Variants in GSE1 observed in about 807,000 individuals in gnomAD.
GSE1 encodes the protein genetic suppressor element 1.
Under a neutral mutation model 112.6 loss-of-function variants are expected in GSE1, and 32 were observed. That is an observed-to-expected ratio of 0.28 (90% CI 0.21 to 0.38). The LOEUF (loss-of-function observed/expected upper bound fraction) is 0.38, where lower values mean the gene tolerates loss of function less well. GSE1 is among the 10% of genes least tolerant of loss of function. GSE1 has a pLI of 1.00. For synonymous variants in GSE1, 1,115 were observed against 735.6 expected (o/e 1.52, Z -8.35); for missense variants, 2,348 against 1,699.2 (o/e 1.38, Z -6.71).
At chr16:85,480,217 C>G (rs868011193) in intron 2 of GSE1, among the ~76,000 whole-genome samples, 3 of 152,232 alleles carry the variant, frequency 2.0e-5, no homozygotes, top group African/African-American at 7.2e-5. Context: ...CAGTTTGGCT[C>G]CAGAATCTAC....
chr16:85,366,306 A>C lies in GSE1; in HGVS notation c.2464+8663A>C, dbSNP rs187168661. ...TTGGCTGTGGCTTCTCCAGCTCTGCACAAGAGCCCCCCTTCCCTGGCCCTG... is the reference window on the plus strand; with the variant it reads ...TTGGCTGTGGCTTCTCCAGCTCTGCCCAAGAGCCCCCCTTCCCTGGCCCTG... On this transcript the variant is annotated intron_variant, in intron 2 of 2. Coordinates refer to the GSE1 transcript ENST00000637419. 1.6e-3 allele frequency among the ~76,000 whole-genome samples: 242 copies of C among 152,332 alleles called. 1 individual carries two copies. The highest frequency in any genetic ancestry group is 6.8e-3 in the Middle Eastern group (2 of 294).
intron 1 of GSE1, among the ~76,000 whole-genome samples, chr16:85,177,200 G>A (rs2074485219): frequency 6.6e-6 from 1 of 152,280 alleles, no homozygotes; most frequent in South Asian, 2.1e-4. Flanking sequence ...GAGGCTGGAG[G>A]AGCCAGGGTC....
At chr16:85,303,273 G>T (rs2045575602) in intron 1 of GSE1, among the ~76,000 whole-genome samples, 1 of 152,196 alleles carries the variant, frequency 6.6e-6, no homozygotes, top group Non-Finnish European at 1.5e-5. Flanking sequence ...TTCCTATCTG[G>T]GGCTCCAGGA....
chr16:85,313,458 G>A (rs2045907334), intron 1 of GSE1, among the ~76,000 whole-genome samples: 1 of 152,148 alleles, frequency 6.6e-6, no homozygotes, highest in Non-Finnish European at 1.5e-5. Context: ...CTCCTCTCTT[G>A]CAGACAACGG....
intron 1 of GSE1, among the ~76,000 whole-genome samples, chr16:85,335,906 T>C (rs1364849079): frequency 6.6e-6 from 1 of 152,078 alleles, no homozygotes; most frequent in East Asian, 1.9e-4. Flanking sequence ...AGATGTCCCA[T>C]AAAGAAGGCT....
intron 1 of GSE1, among the ~76,000 whole-genome samples, chr16:85,275,348 C>G (rs12599739): frequency 1.3e-5 from 2 of 152,156 alleles, no homozygotes; most frequent in Admixed American, 6.5e-5. Context: ...GACAGAAGCC[C>G]GGGCAGAGGG....
rs537732265 is a variant in GSE1, at chr16:85,437,565, C to T, written c.2464+79922C>T. ...CTGCGGGTTCTACCAAGGAGAAGGACGAGGAGGGGCAGCCACATGCTCGGG... is the reference window on the plus strand; with the variant it reads ...CTGCGGGTTCTACCAAGGAGAAGGATGAGGAGGGGCAGCCACATGCTCGGG... On this transcript the variant is annotated intron_variant, in intron 2 of 2. Transcript: ENST00000637419. Among the ~76,000 whole-genome samples, 75 of 152,042 alleles carry T rather than the reference C, an allele frequency of 4.9e-4. No individual in the cohort carries two copies. The Middle Eastern group carries it at 0.014, about 28-fold the overall frequency.
At chr16:85,353,167 C>G (rs951208584) in intron 1 of GSE1, among the ~76,000 whole-genome samples, 1 of 152,162 alleles carries the variant, frequency 6.6e-6, no homozygotes, top group African/African-American at 2.4e-5. Flanking sequence ...TGGAGGAACC[C>G]GCCTCCACAC....
intron 1 of GSE1, among the ~76,000 whole-genome samples, chr16:85,355,769 C>G (rs1480950006): frequency 1.3e-5 from 2 of 152,018 alleles, no homozygotes; most frequent in Non-Finnish European, 2.9e-5. Flanking sequence ...ACCTATAATC[C>G]CAGCGCTTTG....
intron 2 of GSE1, among the ~76,000 whole-genome samples, chr16:85,389,550 G>A (rs1423812063): frequency 6.6e-6 from 1 of 151,846 alleles, no homozygotes; most frequent in East Asian, 1.9e-4. Flanking sequence ...TTGCATGCAG[G>A]TGGTGCAAAC....
chr16:85,627,801 G>GAAGTTAATAAATACCTCTCTA (rs1598438163), intron 1 of GSE1, among the ~76,000 whole-genome samples: 1 of 152,240 alleles, frequency 6.6e-6, no homozygotes, highest in East Asian at 1.9e-4. Context: ...CAGGAGCGCA[G>GAAGTTAATAAATACCTCTCTA]AAGTTAATAA....
At position 85,674,041 on chromosome 16, in the gene GSE1, T is replaced by C. The variant is rs1555575773; in HGVS notation, c.*1502T>C. ...GGGCGAGTCTTCCTCCTTGTCCTAG[T>C]TACTGCCTATGGAGGCAGTGTTTAG... is the stretch of plus-strand genomic sequence containing the variant. On this transcript the variant is annotated 3_prime_UTR_variant, in exon 16 of 16. Transcript: ENST00000253458. The C allele has an allele frequency of 6.6e-6, 1 of 152,276 alleles. No homozygotes were observed. Among genetic ancestry groups the C allele is most frequent in the Non-Finnish European group, 1.5e-5 (1 of 68,072 alleles). 9.4% of individuals were successfully genotyped at this position (152,276 alleles called of 1,614,324 possible).
At chr16:85,360,835 C>T (rs1203554110) in intron 2 of GSE1, among the ~76,000 whole-genome samples, 1 of 151,958 alleles carries the variant, frequency 6.6e-6, no homozygotes, top group Non-Finnish European at 1.5e-5. Context: ...CACAGATACA[C>T]ACACAGAAAC....
At chr16:85,607,875 G>A (rs911917204), upstream of GSE1, among the ~76,000 whole-genome samples, 1 of 152,198 alleles carries the variant, frequency 6.6e-6, no homozygotes, top group Non-Finnish European at 1.5e-5. Flanking sequence ...CAGGGAGTCT[G>A]GGACTCCAGC....
At chr16:85,609,150 C>T (rs573960621), upstream of GSE1, among the ~76,000 whole-genome samples, 70 of 152,322 alleles carry the variant, frequency 4.6e-4, no homozygotes, top group African/African-American at 1.5e-3. Flanking sequence ...TGTCATCCTG[C>T]CCCCTTGCCT....
rs1328631526 is a variant in GSE1, at chr16:85,475,706, A to G, written c.2464+118063A>G. Reference sequence around the variant, plus strand: ...AGGGGCCCTCTCCAGAGGGAACTGGAGCATCTTGCTTGTACTGGGAAGAAA... The same window carrying G: ...AGGGGCCCTCTCCAGAGGGAACTGGGGCATCTTGCTTGTACTGGGAAGAAA... On this transcript the variant is annotated intron_variant, in intron 2 of 2. Coordinates refer to the GSE1 transcript ENST00000637419. Among the ~76,000 whole-genome samples the G allele has an allele frequency of 3.3e-5, 5 of 151,324 alleles. No individual in the cohort carries two copies. In the East Asian group the frequency reaches 9.7e-4, roughly 29 times the overall value.
At chr16:85,401,891 C>T (rs774212624) in intron 2 of GSE1, among the ~76,000 whole-genome samples, 5 of 152,168 alleles carry the variant, frequency 3.3e-5, no homozygotes, top group Non-Finnish European at 5.9e-5. Context: ...CTGGCGTGAG[C>T]CTGTGCTGGT....
At chr16:85,400,101 C>T (rs564951533) in intron 2 of GSE1, among the ~76,000 whole-genome samples, 4 of 152,358 alleles carry the variant, frequency 2.6e-5, no homozygotes, top group East Asian at 1.9e-4. Context: ...CCTGCGTCTT[C>T]GCCGCCACAC....
rs188014064 is a variant in GSE1, at chr16:85,335,663, G to A, written c.2284-21800G>A. Among the ~76,000 whole-genome samples, 31 of 152,324 alleles carry A rather than the reference G, an allele frequency of 2.0e-4. No individual in the cohort carries two copies. The East Asian group carries it at 5.6e-3, about 28-fold the overall frequency. On this transcript the variant is annotated intron_variant, in intron 1 of 2. Coordinates refer to the GSE1 transcript ENST00000637419. ...GCTGCAGGGTGGCAGTCTCATGCCC[G>A]GCACCACCAACAGTGACAGCAGCAA...
Sources: gnomAD v4.1 joint callset for allele counts (sites outside exome capture counted in the v4.1 genomes callset) on GRCh38, gnomAD v4.1.1 for gene constraint, MANE v1.5 for transcripts, NCBI Gene and HGNC (gene_info 2026-07-23, HGNC 2026-07-21) for gene names.